SLC15A2: variants seen among roughly 807,000 people sequenced by gnomAD.
SLC15A2 encodes the protein kidney H(+)/peptide cotransporter.
SLC15A2 carries 77 observed loss-of-function variants against 95.5 expected under a neutral mutation model. That is an observed-to-expected ratio of 0.81 (90% CI 0.67 to 0.97). The LOEUF (loss-of-function observed/expected upper bound fraction) is 0.97, where lower values mean the gene tolerates loss of function less well. Among genes scored for constraint, SLC15A2 ranks in the 50% least tolerant of loss-of-function variants. The pLI is 0.00. For missense variants in SLC15A2, 893 were observed against 874.4 expected, an observed-to-expected ratio of 1.02 and a Z score of -0.27; for synonymous variants, 306 against 306.9, an observed-to-expected ratio of 1.00 and a Z score of 0.03.
chr3:121,923,487 C>T (rs1314988863), intron 11 of SLC15A2, among the ~76,000 whole-genome samples: 1 of 152,174 alleles, frequency 6.6e-6, no homozygotes, highest in Non-Finnish European at 1.5e-5. Flanking sequence ...GAGAAAGTTT[C>T]AATGTATACA....
chr3:121,901,135 C>A (rs1177307857), intron 3 of SLC15A2, among the ~76,000 whole-genome samples: 1 of 152,060 alleles, frequency 6.6e-6, no homozygotes, highest in Non-Finnish European at 1.5e-5. Flanking sequence ...TCTCCTGCCT[C>A]AGCCTCCTGA....
rs1710483591 is a variant in SLC15A2 at position 121,942,630 on chromosome 3, C to G, written c.*1623C>G. ...CAGATATCTTGATGTGAACCTGACC[C>G]TACTCCTTTAGAAGACAGCCTGTTC... On this transcript the variant is annotated 3_prime_UTR_variant, in exon 22 of 22. Coordinates refer to ENST00000489711, the MANE Select transcript of SLC15A2 (RefSeq NM_021082.4). The G allele has an allele frequency of 6.6e-6, 1 of 152,198 alleles. No individual in the cohort carries two copies. The highest frequency in any genetic ancestry group is 1.5e-5 in the Non-Finnish European group (1 of 68,046). The allele number at this position is 152,198 out of a possible 1,614,324, so 9.4% of individuals were successfully genotyped here. A position where few individuals can be genotyped will look rare whatever the true frequency, so the allele number is the denominator to read the frequency against.
At chr3:121,924,824 A>G in intron 12 of SLC15A2, 121 bp from the exon 13 acceptor site, 1 of 758,546 alleles carries the variant, frequency 1.3e-6, no homozygotes, top group Non-Finnish European at 2.4e-6. Context: ...GTCATTCTGT[A>G]CTTACAATGA....
Position 121,939,534 on chromosome 3 carries a change from G to C in SLC15A2, c.1908+39G>C, listed in dbSNP as rs753000351. On this transcript the variant is annotated intron_variant, in intron 20 of 21. Coordinates refer to ENST00000489711, the MANE Select transcript of SLC15A2 (RefSeq NM_021082.4). The stretch of plus-strand genomic sequence containing the variant: ...AATAGAAGGTAGAAATTGAGGCATT[G>C]CTTGAAGGACAATGAATTTTAATTC... 47 of 1,455,168 alleles carry C rather than the reference G, an allele frequency of 3.2e-5. No homozygotes were observed. In the East Asian group the frequency reaches 1.1e-3, roughly 35 times the overall value. The allele number at this position is 1,455,168 out of a possible 1,614,324, so 90.1% of individuals were successfully genotyped here.
At chr3:121,938,137 T>C (rs1426623150) in intron 19 of SLC15A2, among the ~76,000 whole-genome samples, 5 of 151,606 alleles carry the variant, frequency 3.3e-5, no homozygotes, top group African/African-American at 1.2e-4. Context: ...GATCTCCAGC[T>C]GCATGCTGGG....
At chr3:121,924,900 A>G in intron 12 of SLC15A2, 45 bp from the exon 13 acceptor site, 2 of 1,360,298 alleles carry the variant, frequency 1.5e-6, no homozygotes, top group East Asian at 2.3e-5. Context: ...CACACTCATG[A>G]TAGGAGAATA....
intron 11 of SLC15A2, 34 bp downstream of exon 11, chr3:121,923,300 A>G (rs372989035): frequency 7.0e-5 from 111 of 1,592,836 alleles, no homozygotes; most frequent in Non-Finnish European, 8.7e-5. Context: ...GAAGTCTATT[A>G]TTTTCTTCAT....
At position 121,915,617 on chromosome 3, in the gene SLC15A2, A is replaced by C; in HGVS notation, c.621A>C (p.Gly207=). Residue 207 remains glycine (G), a splice_region_variant and synonymous_variant, in exon 7 of 22, where the codon GGA becomes GGC. Coordinates refer to ENST00000489711, the MANE Select transcript of SLC15A2 (RefSeq NM_021082.4). The part of the protein sequence containing the change: ...ISTFITPMLR[G]DVQCFGEDCY... ...CTCCTCCCATCCCATTTTCTTTAGG[A>C]GATGTGCAATGTTTTGGAGAAGACT... The C allele has an allele frequency of 6.2e-7, 1 of 1,612,066 alleles. No homozygotes were observed. Among genetic ancestry groups the C allele is most frequent in the Admixed American group, 1.7e-5 (1 of 60,020 alleles).
chr3:121,907,751 T>C (rs1335370593), intron 3 of SLC15A2, among the ~76,000 whole-genome samples: 1 of 152,104 alleles, frequency 6.6e-6, no homozygotes, highest in Non-Finnish European at 1.5e-5. Flanking sequence ...GGAAACTTCG[T>C]CCCAGAGGGA....
intron 19 of SLC15A2, among the ~76,000 whole-genome samples, chr3:121,937,780 C>G (rs1267142442): frequency 6.6e-6 from 1 of 152,252 alleles, no homozygotes; most frequent in Non-Finnish European, 1.5e-5. Context: ...AAGTCATTCT[C>G]TATCCGGCTT....
chr3:121,931,760 T>C (rs368163614), intron 19 of SLC15A2, 25 bp downstream of exon 19: 130 of 1,362,374 alleles, frequency 9.5e-5, no homozygotes, highest in Non-Finnish European at 1.3e-4. Context: ...GCCACCTCTT[T>C]ACCCTCTCTC....
intron 7 of SLC15A2, among the ~76,000 whole-genome samples, chr3:121,916,730 C>T (rs939519937): frequency 6.6e-6 from 1 of 152,094 alleles, no homozygotes; most frequent in African/African-American, 2.4e-5. Context: ...TAAACAAGTG[C>T]TAGCTGTCAT....
intron 7 of SLC15A2, among the ~76,000 whole-genome samples, chr3:121,917,356 A>G (rs1709915904): frequency 6.6e-6 from 1 of 152,208 alleles, no homozygotes; most frequent in Non-Finnish European, 1.5e-5. Flanking sequence ...AGGAAAGTAC[A>G]GAGAGAGCTA....
chr3:121,931,544 A>T (rs1258493491), intron 18 of SLC15A2, 95 bp from the exon 19 acceptor site: 4 of 696,336 alleles, frequency 5.7e-6, no homozygotes, highest in Non-Finnish European at 1.0e-5. Context: ...TGCTTTCCTC[A>T]CCATCAGTAG....
intron 19 of SLC15A2, among the ~76,000 whole-genome samples, chr3:121,937,515 T>G (rs1465277664): frequency 3.3e-5 from 5 of 149,814 alleles, no homozygotes; most frequent in Non-Finnish European, 7.4e-5. Flanking sequence ...TTCATTCATT[T>G]CATCTTCCAT....
chr3:121,928,419 A>T lies in SLC15A2; in HGVS notation c.1207-2A>T. ...ATTCTGACATGTGTTCTTTGCTCTA[A>T]GGAAATGGCCCCAGCCCAGCCAGGT... On this transcript the variant is annotated splice_acceptor_variant, in intron 14 of 21. Transcript: ENST00000489711. LOFTEE classifies it high-confidence loss of function. 6.2e-7 allele frequency: 1 copy of T among 1,613,112 alleles called. No homozygotes were observed. Among genetic ancestry groups the T allele is most frequent in the Non-Finnish European group, 8.5e-7 (1 of 1,179,566 alleles).
At chr3:121,900,030 T>C (rs1035424690) in intron 3 of SLC15A2, among the ~76,000 whole-genome samples, 8 of 152,162 alleles carry the variant, frequency 5.3e-5, no homozygotes, top group African/African-American at 1.9e-4. Context: ...GGCTTCTCTT[T>C]TGCCTCTTGT....
chr3:121,927,368 G>C lies in SLC15A2; in HGVS notation c.1125-390G>C, dbSNP rs982679769. ...ATCATGGGAGTGAATTCTCATGAAG[G>C]GTTTAGCACCATTCTGTGGTGCTAT... On this transcript the variant is annotated intron_variant, in intron 13 of 21. Transcript: ENST00000489711. 3.3e-5 allele frequency among the ~76,000 whole-genome samples: 5 copies of C among 152,266 alleles called. No homozygotes were observed. The East Asian group carries it at 9.6e-4, about 29-fold the overall frequency.
chr3:121,925,726 CTA>C (rs67563324), intron 13 of SLC15A2, among the ~76,000 whole-genome samples: 144 of 33,668 alleles, frequency 4.3e-3, no homozygotes, highest in African/African-American at 4.5e-3. Context: ...AGGGGCTAGA[CTA>C]TATATATATA....
Sources: allele counts gnomAD v4.1 joint callset (sites outside exome capture counted in the v4.1 genomes callset), GRCh38; gene constraint gnomAD v4.1.1; transcripts MANE v1.5; gene names NCBI Gene and HGNC (gene_info 2026-07-23, HGNC 2026-07-21).